Variants in TFDP1 observed in about 807,000 individuals in gnomAD.
TFDP1 encodes transcription factor Dp-1.
In TFDP1, 6 loss-of-function variants were observed where a neutral mutation model predicts 48.0. The observed-to-expected ratio is 0.13, with a 90% CI of 0.07 to 0.25. The LOEUF (loss-of-function observed/expected upper bound fraction) is 0.25, where lower values mean the gene tolerates loss of function less well. Among genes scored for constraint, TFDP1 ranks in the 10% least tolerant of loss-of-function variants. The pLI is 1.00. For missense variants in TFDP1, 335 were observed against 543.0 expected, an observed-to-expected ratio of 0.62 and a Z score of 3.81; for synonymous variants, 201 against 211.6, an observed-to-expected ratio of 0.95 and a Z score of 0.44.
At chr13:113,610,926 G>T in intron 2 of TFDP1, 70 bp from the exon 3 acceptor site, 1 of 1,476,262 alleles carries the variant, frequency 6.8e-7, no homozygotes, top group African/African-American at 1.4e-5. Context: ...CTTGAGGGTG[G>T]TTTTAAACAC....
chr13:113,609,290 C>T, intron 2 of TFDP1, among the ~76,000 whole-genome samples: 1 of 152,232 alleles, frequency 6.6e-6, no homozygotes, highest in East Asian at 1.9e-4. Flanking sequence ...CCTGCACATC[C>T]TACCTCACCT....
chr13:113,601,469 G>A lies in TFDP1; in HGVS notation c.13-9527G>A, dbSNP rs551541929. 2.1e-5 allele frequency among the ~76,000 whole-genome samples: 3 copies of A among 141,066 alleles called. No individual in the cohort carries two copies. In the South Asian group the frequency reaches 6.7e-4, roughly 31 times the overall value. The allele number at this position is 141,066 out of a possible 152,430, so 92.5% of individuals were successfully genotyped here. ...AGGGTGAGCCAGCAAGGTCAGAGTC[G>A]GTCTCTTGAGGCCACCCTCACCCTC... On this transcript the variant is annotated intron_variant, in intron 2 of 11. Transcript: ENST00000375370.
rs889024868 is a variant in TFDP1, at chr13:113,627,966, G to C, written c.187-3657G>C. Among the ~76,000 whole-genome samples the C allele has an allele frequency of 3.3e-5, 5 of 152,216 alleles. No individual in the cohort carries two copies. Among genetic ancestry groups the C allele is most frequent in the Non-Finnish European group, 7.3e-5 (5 of 68,032 alleles). On this transcript the variant is annotated intron_variant, in intron 4 of 11. Transcript: ENST00000375370. The surrounding 1 kb of genome is among the most constrained non-coding windows in gnomAD (Gnocchi z 4.1). ...CTCCTGGGGGAGGAGGGTTGGTCTC[G>C]GGCAAGGTGGACCTCCGGCAGGTCC...
intron 2 of TFDP1, among the ~76,000 whole-genome samples, chr13:113,608,547 C>T (rs989239131): frequency 6.6e-6 from 1 of 152,182 alleles, no homozygotes; most frequent in East Asian, 1.9e-4. Context: ...CACAGATGCT[C>T]GAGCTGGGCC....
At chr13:113,624,105 T>C (rs1442379666) in intron 4 of TFDP1, among the ~76,000 whole-genome samples, 1 of 152,092 alleles carries the variant, frequency 6.6e-6, no homozygotes, top group Non-Finnish European at 1.5e-5. Flanking sequence ...GATGATGCTG[T>C]GGCCCCGCCT....
In TFDP1 at chr13:113,610,297, G is replaced by A. The variant is rs116343396; in HGVS notation, c.13-699G>A. 4.0e-3 allele frequency among the ~76,000 whole-genome samples: 608 copies of A among 152,222 alleles called. 7 individuals carry two copies. Among genetic ancestry groups the A allele is most frequent in the African/African-American group, 0.014 (573 of 41,534 alleles). Reference sequence around the variant, plus strand: ...GTTTGTGTGTGCTTGCTGTGTGGCTGTACTGTCACGTGTGTGCCCTGACGT... The same window carrying A: ...GTTTGTGTGTGCTTGCTGTGTGGCTATACTGTCACGTGTGTGCCCTGACGT... On this transcript the variant is annotated intron_variant, in intron 2 of 11. Coordinates refer to ENST00000375370, the MANE Select transcript of TFDP1 (RefSeq NM_007111.5).
chr13:113,635,865 G>A (rs2049472314), intron 8 of TFDP1, 112 bp from the exon 9 acceptor site: 5 of 1,295,484 alleles, frequency 3.9e-6, no homozygotes, highest in Non-Finnish European at 5.3e-6. Context: ...CAGATGTCCA[G>A]GCCAACTCCT....
chr13:113,625,766 AGGCGTCTCTCACG>A (rs1235151735), intron 4 of TFDP1, among the ~76,000 whole-genome samples: 42 of 116,234 alleles, frequency 3.6e-4, no homozygotes, highest in Non-Finnish European at 5.4e-4. Flanking sequence ...ACGTGTCCTC[AGGCGTCTCTCACG>A]TGTCCTCAGG....
At chr13:113,629,684 G>T (rs2049281918) in intron 4 of TFDP1, among the ~76,000 whole-genome samples, 1 of 152,208 alleles carries the variant, frequency 6.6e-6, no homozygotes, top group Non-Finnish European at 1.5e-5. Flanking sequence ...AGGAGAGGTG[G>T]ATGACGTGCA....
At chr13:113,626,271 A>G (rs2049177401) in intron 4 of TFDP1, among the ~76,000 whole-genome samples, 1 of 152,122 alleles carries the variant, frequency 6.6e-6, no homozygotes, top group African/African-American at 2.4e-5. Context: ...TGGTCTAATC[A>G]TGTTTTCTTC....
At chr13:113,612,502 A>G (rs765573612) in intron 3 of TFDP1, among the ~76,000 whole-genome samples, 1 of 152,270 alleles carries the variant, frequency 6.6e-6, no homozygotes, top group Non-Finnish European at 1.5e-5. Context: ...CTTGAGAGAA[A>G]TATCGTTTTA....
In TFDP1 at chr13:113,633,100, T is replaced by C. The variant is rs1189331840; in HGVS notation, c.309-20T>C. On this transcript the variant is annotated intron_variant, in intron 5 of 11. Transcript: ENST00000375370. The surrounding 1 kb of genome is among the most constrained non-coding windows in gnomAD (Gnocchi z 4.5). ...TCAGGAGGGCTGACAGTCGCTTCTCTTTTCCTTTGTATTTTGAAGGAAGCG... is the reference window on the plus strand; with the variant it reads ...TCAGGAGGGCTGACAGTCGCTTCTCCTTTCCTTTGTATTTTGAAGGAAGCG... 1 of 1,611,464 alleles carries C rather than the reference T, an allele frequency of 6.2e-7. No individual in the cohort carries two copies. Among genetic ancestry groups the C allele is most frequent in the Admixed American group, 1.7e-5 (1 of 59,908 alleles).
At chr13:113,625,019 G>T (rs1234960320) in intron 4 of TFDP1, among the ~76,000 whole-genome samples, 4 of 139,184 alleles carry the variant, frequency 2.9e-5, no homozygotes, top group Admixed American at 1.4e-4. Flanking sequence ...TGTCTCTCAC[G>T]TGTCCTCAGG....
rs1370539907 is a variant in TFDP1 at position 113,608,116 on chromosome 13, C to T, written c.13-2880C>T. On this transcript the variant is annotated intron_variant, in intron 2 of 11. Coordinates refer to ENST00000375370, the MANE Select transcript of TFDP1 (RefSeq NM_007111.5). ...TGACTTGCTGGCATTTCATGGAGGC[C>T]GCAGGCAGCCGCTCTTCCTGGGGGT... is the stretch of plus-strand genomic sequence containing the variant. 3.3e-5 allele frequency among the ~76,000 whole-genome samples: 5 copies of T among 152,140 alleles called. No individual in the cohort carries two copies. In the East Asian group the frequency reaches 5.8e-4, roughly 18 times the overall value.
intron 3 of TFDP1, among the ~76,000 whole-genome samples, chr13:113,620,668 A>G (rs1362851567): frequency 6.6e-6 from 1 of 152,198 alleles, no homozygotes; most frequent in Admixed American, 6.5e-5. Flanking sequence ...TCCAATCATC[A>G]CTGGTACATT....
Position 113,634,616 on chromosome 13 carries a change from T to C in TFDP1, c.687+14T>C. On this transcript the variant is annotated intron_variant, in intron 8 of 11. Transcript: ENST00000375370. ...CTTATTCTACAGGTAAGAGAATACGTATCTGTGGAGGCAGGGTAATTTTTA... is the reference window on the plus strand; with the variant it reads ...CTTATTCTACAGGTAAGAGAATACGCATCTGTGGAGGCAGGGTAATTTTTA... 6.3e-7 allele frequency: 1 copy of C among 1,594,214 alleles called. No homozygotes were observed.
intron 2 of TFDP1, among the ~76,000 whole-genome samples, chr13:113,603,345 G>A (rs1296166299): frequency 3.3e-5 from 5 of 152,234 alleles, no homozygotes; most frequent in Non-Finnish European, 7.3e-5. Context: ...GGTGCTGGCT[G>A]GCAAAGAGGG....
chr13:113,613,983 TGTG>T (rs1022699577), intron 3 of TFDP1, among the ~76,000 whole-genome samples: 2 of 143,080 alleles, frequency 1.4e-5, no homozygotes, highest in Admixed American at 1.3e-4. Context: ...GTGCATGTGT[TGTG>T]AGTGTGCATG....
At chr13:113,597,902 T>C (rs2048324752) in intron 2 of TFDP1, among the ~76,000 whole-genome samples, 1 of 152,068 alleles carries the variant, frequency 6.6e-6, no homozygotes, top group South Asian at 2.1e-4. Flanking sequence ...CTGGGCACTG[T>C]TTAGAATGAT....
Sources: gnomAD v4.1 joint callset for allele counts (sites outside exome capture counted in the v4.1 genomes callset) on GRCh38, gnomAD v4.1.1 for gene constraint, Gnocchi (gnomAD v3.1) non-coding constraint, MANE v1.5 for transcripts, NCBI Gene and HGNC (gene_info 2026-07-23, HGNC 2026-07-21) for gene names.